The following KIF6 variants were observed in gnomAD, a reference collection of about 807,000 sequenced individuals.
KIF6 encodes kinesin-like protein KIF6.
A neutral mutation model predicts 112.7 loss-of-function variants in KIF6; 106 were observed. That is an observed-to-expected ratio of 0.94 (90% CI 0.80 to 1.11). KIF6 has a LOEUF of 1.11. Ranked by LOEUF, KIF6 falls within the 50% of genes least tolerant of loss-of-function variation. The pLI is 0.00. For missense variants in KIF6, 929 were observed against 964.0 expected (o/e 0.96, Z 0.48); for synonymous variants, 339 against 339.9 (o/e 1.00, Z 0.03).
At chr6:39,469,628 T>C in intron 13 of KIF6, among the ~76,000 whole-genome samples, 1 of 152,188 alleles carries the variant, frequency 6.6e-6, no homozygotes, top group Non-Finnish European at 1.5e-5. Flanking sequence ...ATAGGTAAAC[T>C]TGTGTCATGG....
chr6:39,582,758 G>T (rs1345932670), intron 9 of KIF6, among the ~76,000 whole-genome samples: 1 of 152,092 alleles, frequency 6.6e-6, no homozygotes, highest in African/African-American at 2.4e-5. Context: ...AATCCTTATC[G>T]GCTGGCTCCA....
intron 1 of KIF6, among the ~76,000 whole-genome samples, chr6:39,722,327 G>A (rs1456225859): frequency 1.3e-5 from 2 of 152,044 alleles, no homozygotes; most frequent in African/African-American, 2.4e-5. Context: ...ACTCTTTGAG[G>A]CCTTAAGAAA....
chr6:39,606,938 G>A (rs943363649), intron 6 of KIF6, among the ~76,000 whole-genome samples: 14 of 152,144 alleles, frequency 9.2e-5, no homozygotes, highest in African/African-American at 3.4e-4. Context: ...ATATGAGTTG[G>A]CTCTCAGCAC....
At chr6:39,699,216 GA>G (rs1030795065) in intron 3 of KIF6, among the ~76,000 whole-genome samples, 25 of 150,108 alleles carry the variant, frequency 1.7e-4, no homozygotes, top group Middle Eastern at 3.5e-3. Flanking sequence ...TAAGTGCTAT[GA>G]AAAAAAAAAT....
intron 13 of KIF6, among the ~76,000 whole-genome samples, chr6:39,529,614 G>A (rs1347183763): frequency 1.3e-5 from 2 of 151,992 alleles, no homozygotes; most frequent in African/African-American, 4.8e-5. Context: ...GTGAAACCCC[G>A]TCTCTACTAA....
At chr6:39,366,084 C>G (rs1765535836) in intron 16 of KIF6, among the ~76,000 whole-genome samples, 1 of 152,224 alleles carries the variant, frequency 6.6e-6, no homozygotes, top group African/African-American at 2.4e-5. Context: ...CTCAGGTGCC[C>G]TGGAAGTGTG....
In KIF6 at chr6:39,636,515, C is replaced by A. The variant is rs559520353; in HGVS notation, c.400-1557G>T. On this transcript the variant is annotated intron_variant, in intron 4 of 22. Coordinates refer to ENST00000287152, the MANE Select transcript of KIF6 (RefSeq NM_145027.6). ...GTAAAGGTACTATTTCAATATAATTCTTTGGGTTATAACTTGGCTTAGCAC... is the reference window on the plus strand; with the variant it reads ...GTAAAGGTACTATTTCAATATAATTATTTGGGTTATAACTTGGCTTAGCAC... Among the ~76,000 whole-genome samples, 3 of 152,074 alleles carry A rather than the reference C, an allele frequency of 2.0e-5. No individual in the cohort carries two copies. In the South Asian group the frequency reaches 6.2e-4, roughly 32 times the overall value.
chr6:39,429,347 T>A (rs1398616578), intron 14 of KIF6, among the ~76,000 whole-genome samples: 1 of 152,220 alleles, frequency 6.6e-6, no homozygotes, highest in Non-Finnish European at 1.5e-5. Flanking sequence ...AGGTCATCTT[T>A]AATTTTCTCT....
chr6:39,457,850 A>C (rs1391141818), intron 13 of KIF6, among the ~76,000 whole-genome samples: 1 of 151,768 alleles, frequency 6.6e-6, no homozygotes, highest in Non-Finnish European at 1.5e-5. Flanking sequence ...ATAGACCAAT[A>C]ACAGGAGCTG....
chr6:39,424,703 T>C (rs1428463229), intron 14 of KIF6, among the ~76,000 whole-genome samples: 1 of 152,126 alleles, frequency 6.6e-6, no homozygotes, highest in African/African-American at 2.4e-5. Flanking sequence ...CATGCAAATA[T>C]GTTTTGTGTG....
intron 13 of KIF6, among the ~76,000 whole-genome samples, chr6:39,528,951 C>T (rs1777892534): frequency 6.6e-6 from 1 of 152,144 alleles, no homozygotes; most frequent in South Asian, 2.1e-4. Context: ...CAGCATGGTC[C>T]TAGCATACAA....
intron 10 of KIF6, 109 bp downstream of exon 10, chr6:39,577,947 C>T (rs1314974428): frequency 9.7e-6 from 7 of 720,466 alleles, no homozygotes; most frequent in East Asian, 5.3e-5. Flanking sequence ...TTCAGACTGT[C>T]CCAGGAGACC....
At position 39,578,147 on chromosome 6, in the gene KIF6, G is replaced by A. The variant is rs1781078541; in HGVS notation, c.1090C>T (p.Leu364=). 6.2e-7 allele frequency: 1 copy of A among 1,612,888 alleles called. No individual in the cohort carries two copies. The change falls in exon 10 of 23, where the codon CTA becomes TTA. Residue 364 remains leucine (L), a synonymous_variant. Coordinates refer to ENST00000287152, the MANE Select transcript of KIF6 (RefSeq NM_145027.6). ...EINPRLVIKR[L]QKEIQELKDE... Reference sequence around the variant, plus strand: ...TTCAGTTCCTGGATTTCCTTTTGTAGGCGTTTAATCACCTACAAATGGCAA... The same window carrying A: ...TTCAGTTCCTGGATTTCCTTTTGTAAGCGTTTAATCACCTACAAATGGCAA...
intron 3 of KIF6, among the ~76,000 whole-genome samples, chr6:39,678,872 T>C (rs139198555): frequency 1.1e-3 from 174 of 152,258 alleles, no homozygotes; most frequent in Non-Finnish European, 2.2e-3. Context: ...TTTTGGAGTC[T>C]TTACCATGGA....
chr6:39,414,152 G>A (rs952757964), intron 15 of KIF6, among the ~76,000 whole-genome samples: 2 of 151,908 alleles, frequency 1.3e-5, no homozygotes, highest in South Asian at 4.2e-4. Flanking sequence ...TTACTTTATG[G>A]TAACACATTT....
rs190995386 is a variant in KIF6, at chr6:39,391,852, C to T, written c.1811-6180G>A. Among the ~76,000 whole-genome samples, 6 of 152,196 alleles carry T rather than the reference C, an allele frequency of 3.9e-5. No individual in the cohort carries two copies. In the East Asian group the frequency reaches 1.2e-3, roughly 29 times the overall value. On this transcript the variant is annotated intron_variant, in intron 15 of 22. Coordinates refer to ENST00000287152, the MANE Select transcript of KIF6 (RefSeq NM_145027.6). ...TTTTACTCTTCAGTTTAGGGTACAC[C>T]ACTCATCAGCCTGGGCAATGCCTCT...
chr6:39,478,754 G>A (rs1774611158), intron 13 of KIF6, among the ~76,000 whole-genome samples: 1 of 134,158 alleles, frequency 7.5e-6, no homozygotes, highest in Non-Finnish European at 1.6e-5. Flanking sequence ...CCGCATCCAT[G>A]CCAACATCTA....
At chr6:39,631,616 T>C (rs575508171) in intron 5 of KIF6, among the ~76,000 whole-genome samples, 3 of 152,276 alleles carry the variant, frequency 2.0e-5, no homozygotes, top group African/African-American at 4.8e-5. Context: ...GGTCATGATA[T>C]AGTATTGATT....
intron 16 of KIF6, among the ~76,000 whole-genome samples, chr6:39,368,587 TC>T (rs1276130130): frequency 6.6e-6 from 1 of 152,196 alleles, no homozygotes; most frequent in African/African-American, 2.4e-5. Flanking sequence ...CTTAGTGTCT[TC>T]CCCTGGTGCT....
Sources: allele counts gnomAD v4.1 joint callset (sites outside exome capture counted in the v4.1 genomes callset), GRCh38; gene constraint gnomAD v4.1.1; transcripts MANE v1.5; gene names NCBI Gene and HGNC (gene_info 2026-07-23, HGNC 2026-07-21).